The following GBF1 variants were observed in gnomAD, a reference collection of about 807,000 sequenced individuals.
GBF1 encodes the protein golgi brefeldin A resistant guanine nucleotide exchange factor 1.
Under a neutral mutation model 210.5 loss-of-function variants are expected in GBF1, and 114 were observed. The observed-to-expected ratio is 0.54, with a 90% CI of 0.47 to 0.63. GBF1 has a LOEUF of 0.63. Among genes scored for constraint, GBF1 ranks in the 30% least tolerant of loss-of-function variants. The pLI is 0.00. For synonymous variants in GBF1, 850 were observed against 889.2 expected, an observed-to-expected ratio of 0.96 and a Z score of 0.78; for missense variants, 1,851 against 2,357.7, an observed-to-expected ratio of 0.79 and a Z score of 4.45.
At chr10:102,262,000 T>G (rs149433045) in intron 3 of GBF1, among the ~76,000 whole-genome samples, 68 of 152,322 alleles carry the variant, frequency 4.5e-4, no homozygotes, top group African/African-American at 1.4e-3. Flanking sequence ...GTCTTCTGCC[T>G]CAGCCTCCTG....
the GBF1 span, among the ~76,000 whole-genome samples, chr10:102,232,508 T>A: frequency 2.0e-5 from 3 of 151,860 alleles, no homozygotes; most frequent in Non-Finnish European, 4.4e-5. Context: ...CATGGTAAAA[T>A]CCCGTCCCTA....
chr10:102,350,336 C>T (rs775624339), intron 4 of GBF1, among the ~76,000 whole-genome samples: 2 of 149,140 alleles, frequency 1.3e-5, no homozygotes, highest in Admixed American at 1.3e-4. Flanking sequence ...CCAACAAGAG[C>T]GAAACTCCAT....
intron 35 of GBF1, 70 bp downstream of exon 35, chr10:102,379,721 G>T: frequency 6.4e-7 from 1 of 1,554,270 alleles, no homozygotes; most frequent in South Asian, 1.1e-5. Context: ...AGCCTGAAGA[G>T]CCCCTAATGT....
chr10:102,234,937 C>T, the GBF1 span, among the ~76,000 whole-genome samples: 19 of 152,272 alleles, frequency 1.2e-4, no homozygotes, highest in East Asian at 1.5e-3. Flanking sequence ...GCCAGAAAGC[C>T]GAGTTCAGGC....
intron 3 of GBF1, among the ~76,000 whole-genome samples, chr10:102,273,065 G>A (rs1589441602): frequency 6.6e-6 from 1 of 152,308 alleles, no homozygotes; most frequent in African/African-American, 2.4e-5. Flanking sequence ...GTATCTGGCC[G>A]AGTGTGGTAG....
chr10:102,322,804 A>G (rs1041871623), intron 3 of GBF1, among the ~76,000 whole-genome samples: 2 of 151,870 alleles, frequency 1.3e-5, no homozygotes, highest in Non-Finnish European at 2.9e-5. Flanking sequence ...TTCATTTTTA[A>G]TAAGAGCCAG....
In GBF1 at chr10:102,348,568, C is replaced by T. The variant is rs937694501; in HGVS notation, c.296-2688C>T. Among the ~76,000 whole-genome samples, 4 of 152,278 alleles carry T rather than the reference C, an allele frequency of 2.6e-5. No individual in the cohort carries two copies. The East Asian group carries it at 5.8e-4, about 22-fold the overall frequency. ...GGTGGCCTGGGTAGGGACTGTCAGG[C>T]AGGGCTATGAGATAGAGGCCCTGAG... On this transcript the variant is annotated intron_variant, in intron 4 of 39. Transcript: ENST00000369983.
chr10:102,254,173 T>C (rs1206675903), intron 1 of GBF1, among the ~76,000 whole-genome samples: 2 of 152,192 alleles, frequency 1.3e-5, no homozygotes, highest in Non-Finnish European at 2.9e-5. Flanking sequence ...AATTCACCAA[T>C]TTTTTAAAGA....
chr10:102,266,565 G>A (rs964544235), intron 3 of GBF1, among the ~76,000 whole-genome samples: 1 of 152,096 alleles, frequency 6.6e-6, no homozygotes, highest in Non-Finnish European at 1.5e-5. Flanking sequence ...ATGCTATATG[G>A]TCCCTATCAG....
chr10:102,359,688 T>C (rs2059484731), intron 11 of GBF1, among the ~76,000 whole-genome samples: 1 of 151,920 alleles, frequency 6.6e-6, no homozygotes, highest in Non-Finnish European at 1.5e-5. Flanking sequence ...CTTAGGACTT[T>C]TAACAGAAAG....
rs544768792 is a variant in GBF1 at position 102,250,397 on chromosome 10, T to C, written c.-11+4616T>C. On this transcript the variant is annotated intron_variant, in intron 1 of 39. Coordinates refer to ENST00000369983, the MANE Select transcript of GBF1 (RefSeq NM_001377137.1). ...TTTTTGTAGACACAGGATTTTACTATGTTGCCCAGAGTCCAGTGGTGTCAT... is the reference window on the plus strand; with the variant it reads ...TTTTTGTAGACACAGGATTTTACTACGTTGCCCAGAGTCCAGTGGTGTCAT... Among the ~76,000 whole-genome samples, 11 of 152,254 alleles carry C rather than the reference T, an allele frequency of 7.2e-5. No individual in the cohort carries two copies. The East Asian group carries it at 1.9e-3, about 27-fold the overall frequency.
Position 102,368,343 on chromosome 10 carries a change from A to T in GBF1, c.2768A>T (p.Tyr923Phe). 1 of 1,613,796 alleles carries T rather than the reference A, an allele frequency of 6.2e-7. No homozygotes were observed. ...GIFLRVPTAS[Y>F]DLDLFTMTWG... ...TTCCTGCGTGTGCCTACTGCCAGCTATGATCTTGACCTCTTCACCATGACC... is the reference window on the plus strand; with the variant it reads ...TTCCTGCGTGTGCCTACTGCCAGCTTTGATCTTGACCTCTTCACCATGACC... Residue 923 changes from tyrosine (Y) to phenylalanine (F), a missense_variant, in exon 22 of 40, where the codon TAT (tyrosine) becomes TTT (phenylalanine). This residue lies in a region of GBF1 where 967 missense variants were observed against 1,247.7 expected (regional missense o/e 0.78). Coordinates refer to ENST00000369983, the MANE Select transcript of GBF1 (RefSeq NM_001377137.1).
chr10:102,344,782 G>A (rs2058427023), intron 4 of GBF1, among the ~76,000 whole-genome samples: 1 of 151,986 alleles, frequency 6.6e-6, no homozygotes, highest in Non-Finnish European at 1.5e-5. Flanking sequence ...GCCTGGCCTG[G>A]TTAGGTTTAT....
the GBF1 span, chr10:102,231,007 C>T: frequency 2.5e-6 from 4 of 1,599,494 alleles, no homozygotes; most frequent in South Asian, 3.3e-5. Flanking sequence ...CGGCACCAGC[C>T]CCCCGAGCGG....
intron 3 of GBF1, among the ~76,000 whole-genome samples, chr10:102,320,242 G>T (rs1410729886): frequency 6.6e-6 from 1 of 152,040 alleles, no homozygotes; most frequent in Non-Finnish European, 1.5e-5. Flanking sequence ...TGATGGCTCT[G>T]CTTCTTTTTC....
intron 4 of GBF1, among the ~76,000 whole-genome samples, chr10:102,351,019 G>A (rs1350083182): frequency 1.3e-5 from 2 of 151,576 alleles, no homozygotes; most frequent in African/African-American, 4.9e-5. Context: ...CCCAAGAGGC[G>A]GAGGTTGCAG....
At chr10:102,293,669 CA>C (rs1373768158) in intron 3 of GBF1, among the ~76,000 whole-genome samples, 1 of 121,346 alleles carries the variant, frequency 8.2e-6, no homozygotes, top group Non-Finnish European at 1.8e-5. Flanking sequence ...TAGTTTTTAA[CA>C]AAAAAGTTTA....
At chr10:102,331,789 C>T (rs2057351104) in intron 3 of GBF1, among the ~76,000 whole-genome samples, 1 of 151,844 alleles carries the variant, frequency 6.6e-6, no homozygotes, top group Non-Finnish European at 1.5e-5. Context: ...TCAAGTGATC[C>T]ACCCCACACG....
chr10:102,230,790 C>T, the GBF1 span: 4 of 1,547,502 alleles, frequency 2.6e-6, no homozygotes, highest in Non-Finnish European at 3.5e-6. Flanking sequence ...GGGCCCCAGG[C>T]CCTGGCACGG....
Sources: allele counts gnomAD v4.1 joint callset (sites outside exome capture counted in the v4.1 genomes callset), GRCh38; gene constraint gnomAD v4.1.1; regional missense constraint gnomAD v4.1.1; transcripts MANE v1.5; gene names NCBI Gene and HGNC (gene_info 2026-07-23, HGNC 2026-07-21).